The following ZNF569 variants were observed in gnomAD, a reference collection of about 807,000 sequenced individuals.
The protein encoded by ZNF569 is DNA-binding protein.
In ZNF569, 38 loss-of-function variants were observed where a neutral mutation model predicts 56.3. That is an observed-to-expected ratio of 0.68 (90% CI 0.52 to 0.88). ZNF569 has a LOEUF of 0.88. Ranked by LOEUF, ZNF569 falls within the 40% of genes least tolerant of loss-of-function variation. The pLI, the probability that ZNF569 is intolerant of heterozygous loss-of-function variation, is 0.00. For synonymous variants in ZNF569, 241 were observed against 262.9 expected (o/e 0.92, Z 0.81); for missense variants, 666 against 809.2 (o/e 0.82, Z 2.15).
rs117785641 is a variant in ZNF569 at position 37,432,489 on chromosome 19, G to A, written c.16-6111C>T. On this transcript the variant is annotated intron_variant, in intron 3 of 5. Coordinates refer to ENST00000316950, the MANE Select transcript of ZNF569 (RefSeq NM_152484.3). ...GCCCCCTGATGCAGATATGGTTGCA[G>A]TGACCAAAAACTTAGATCACAACAC... is the stretch of plus-strand genomic sequence containing the variant. 6.9e-3 allele frequency among the ~76,000 whole-genome samples: 1,051 copies of A among 152,338 alleles called. 25 individuals carry two copies. The highest frequency in any genetic ancestry group is 0.053 in the East Asian group (274 of 5,186).
chr19:37,456,609 TC>T (rs1480646636), intron 2 of ZNF569, among the ~76,000 whole-genome samples: 3 of 152,168 alleles, frequency 2.0e-5, no homozygotes, highest in African/African-American at 7.2e-5. Flanking sequence ...TTTCCTTCCC[TC>T]TAGTTCACTC....
chr19:37,421,057 C>T (rs2041026983), intron 5 of ZNF569, among the ~76,000 whole-genome samples: 1 of 152,082 alleles, frequency 6.6e-6, no homozygotes, highest in Non-Finnish European at 1.5e-5. Flanking sequence ...ACTTTTTTTT[C>T]TCGTGAGCAG....
intron 3 of ZNF569, among the ~76,000 whole-genome samples, chr19:37,431,273 G>C (rs1251223654): frequency 6.6e-6 from 1 of 152,154 alleles, no homozygotes; most frequent in Non-Finnish European, 1.5e-5. Context: ...GCAGCTCGCA[G>C]CTCCAGGAGA....
At position 37,415,492 on chromosome 19, in the gene ZNF569, A is replaced by G. The variant is rs77841872; in HGVS notation, c.239-1073T>C. Among the ~76,000 whole-genome samples the G allele has an allele frequency of 2.4e-4, 36 of 152,278 alleles. No individual in the cohort carries two copies. In the East Asian group the frequency reaches 6.2e-3, roughly 26 times the overall value. ...AAAACATCCAGAAGCATTCACATTAAAGTCAGAAATAAGAAAAGATGAGTT... is the reference window on the plus strand; with the variant it reads ...AAAACATCCAGAAGCATTCACATTAGAGTCAGAAATAAGAAAAGATGAGTT... On this transcript the variant is annotated intron_variant, in intron 5 of 5. Coordinates refer to ENST00000316950, the MANE Select transcript of ZNF569 (RefSeq NM_152484.3).
At chr19:37,418,759 G>C (rs2040979935) in intron 5 of ZNF569, among the ~76,000 whole-genome samples, 1 of 152,172 alleles carries the variant, frequency 6.6e-6, no homozygotes, top group Non-Finnish European at 1.5e-5. Context: ...AAGATGGGAA[G>C]ACTACTCTCT....
intron 5 of ZNF569, among the ~76,000 whole-genome samples, chr19:37,421,972 A>C (rs1600296595): frequency 6.7e-6 from 1 of 149,724 alleles, no homozygotes; most frequent in Admixed American, 6.6e-5. Context: ...CTGGTCTTGA[A>C]CTCCTGGGCC....
intron 3 of ZNF569, among the ~76,000 whole-genome samples, chr19:37,432,818 A>C (rs926827097): frequency 1.3e-5 from 2 of 152,240 alleles, no homozygotes; most frequent in Admixed American, 1.3e-4. Flanking sequence ...AGATAAATTT[A>C]ACAAAGAGAC....
At chr19:37,456,305 C>T (rs1455615167) in intron 2 of ZNF569, among the ~76,000 whole-genome samples, 3 of 152,084 alleles carry the variant, frequency 2.0e-5, no homozygotes, top group Admixed American at 1.3e-4. Context: ...CATTTCAATC[C>T]GTATATTTAT....
At chr19:37,445,956 A>T (rs1600331741) in intron 2 of ZNF569, among the ~76,000 whole-genome samples, 1 of 152,142 alleles carries the variant, frequency 6.6e-6, no homozygotes, top group East Asian at 1.9e-4. Flanking sequence ...ACAATCCTAA[A>T]AATCATATGG....
intron 2 of ZNF569, among the ~76,000 whole-genome samples, chr19:37,450,021 C>A (rs1281994332): frequency 6.6e-6 from 1 of 152,160 alleles, no homozygotes; most frequent in African/African-American, 2.4e-5. Context: ...CCCACTTAGT[C>A]ATTGTGGATG....
At chr19:37,468,947 T>C, upstream of ZNF569, 2 of 687,048 alleles carry the variant, frequency 2.9e-6, no homozygotes, top group Non-Finnish European at 3.6e-6. Context: ...CCATTTTGAG[T>C]AGACGCGCCA....
At chr19:37,425,001 T>G (rs1337678951) in intron 5 of ZNF569, among the ~76,000 whole-genome samples, 2 of 150,534 alleles carry the variant, frequency 1.3e-5, no homozygotes, top group East Asian at 4.0e-4. Flanking sequence ...GTGCCTGTAG[T>G]CCCAGCTATC....
chr19:37,462,208 C>G (rs1369731896), intron 2 of ZNF569, among the ~76,000 whole-genome samples: 1 of 152,138 alleles, frequency 6.6e-6, no homozygotes, highest in Admixed American at 6.6e-5. Flanking sequence ...ACTTCTCCCT[C>G]TCTCCTGTTA....
In ZNF569 at chr19:37,413,227, C is replaced by G. The variant is rs1189919123; in HGVS notation, c.1431G>C (p.Gln477His). Residue 477 changes from glutamine (Q) to histidine (H), a missense_variant, in exon 6 of 6, where the codon CAG becomes CAC. Gln to His is a conservative substitution (Grantham distance 24). Transcript: ENST00000316950. ...TTTCATGAGCAATGAGATTTGATTT[C>G]TGGCTAAAGGCTTTCCCACATTCCT... ...ICKECGKAFS[Q>H]KSNLIAHEKI... 1.9e-6 allele frequency: 3 copies of G among 1,610,126 alleles called. No individual in the cohort carries two copies. Among genetic ancestry groups the G allele is most frequent in the Non-Finnish European group, 2.5e-6 (3 of 1,178,840 alleles).
At chr19:37,427,897 C>T (rs1157413262) in intron 3 of ZNF569, 2 of 453,732 alleles carry the variant, frequency 4.4e-6, no homozygotes, top group African/African-American at 4.0e-5. Flanking sequence ...AATAGTTTCA[C>T]CAATTACAGG....
At chr19:37,466,421 G>C (rs2041837662) in intron 1 of ZNF569, among the ~76,000 whole-genome samples, 2 of 152,292 alleles carry the variant, frequency 1.3e-5, no homozygotes, top group South Asian at 4.1e-4. Context: ...CCTGCGGTCA[G>C]TTGTTCGAGA....
chr19:37,421,963 T>C (rs894509185), intron 5 of ZNF569, among the ~76,000 whole-genome samples: 5 of 152,068 alleles, frequency 3.3e-5, no homozygotes, highest in African/African-American at 1.2e-4. Flanking sequence ...TTGCCCAGTC[T>C]GGTCTTGAAC....
chr19:37,467,858 T>A, upstream of ZNF569: 1 of 1,535,904 alleles, frequency 6.5e-7, no homozygotes, highest in East Asian at 2.4e-5. Context: ...CTCGTGGCTG[T>A]TTGATTCTGA....
intron 2 of ZNF569, among the ~76,000 whole-genome samples, chr19:37,451,889 ACT>A (rs2041599785): frequency 6.6e-6 from 1 of 151,952 alleles, no homozygotes; most frequent in Admixed American, 6.6e-5. Flanking sequence ...CCATTCAGCC[ACT>A]CTGTTTCTTG....
Sources: allele counts gnomAD v4.1 joint callset (sites outside exome capture counted in the v4.1 genomes callset), GRCh38; gene constraint gnomAD v4.1.1; transcripts MANE v1.5; gene names NCBI Gene and HGNC (gene_info 2026-07-23, HGNC 2026-07-21).